The following LSAMP variants were observed in gnomAD, a reference collection of about 807,000 sequenced individuals.
The protein encoded by LSAMP is limbic system-associated membrane protein.
In LSAMP, 7 loss-of-function variants were observed where a neutral mutation model predicts 38.6. The ratio of observed to expected loss-of-function variants is 0.18; its 90% CI spans 0.10 to 0.34. The LOEUF is 0.34. Among genes scored for constraint, LSAMP ranks in the 10% least tolerant of loss-of-function variants. LSAMP has a pLI of 1.00. For missense variants in LSAMP, 313 were observed against 420.0 expected, an observed-to-expected ratio of 0.75 and a Z score of 2.23; for synonymous variants, 154 against 166.8, an observed-to-expected ratio of 0.92 and a Z score of 0.59.
intron 1 of LSAMP, among the ~76,000 whole-genome samples, chr3:116,328,096 C>T (rs1315394006): frequency 1.3e-5 from 2 of 152,178 alleles, no homozygotes; most frequent in Non-Finnish European, 2.9e-5. Context: ...AGGCCTGCTT[C>T]TCTACCCTTG....
At chr3:116,381,484 C>T (rs1484069272) in intron 1 of LSAMP, among the ~76,000 whole-genome samples, 5 of 152,064 alleles carry the variant, frequency 3.3e-5, no homozygotes, top group Non-Finnish European at 5.9e-5. Flanking sequence ...TTACGTCCCA[C>T]AGTAAAATAT....
chr3:116,129,163 TTAA>T lies in LSAMP; in HGVS notation c.156-42610_156-42608del, dbSNP rs72409763. 8.9e-3 allele frequency among the ~76,000 whole-genome samples: 1,348 copies of T among 152,274 alleles called. 18 individuals carry two copies. Among genetic ancestry groups the T allele is most frequent in the African/African-American group, 0.029 (1,213 of 41,548 alleles). The stretch of plus-strand genomic sequence containing the variant: ...TGTGAATCATTCGCAATGAGGAGTG[TTAA>T]TAAAAACTTTTTATTTGGTAATATA... On this transcript the variant is annotated intron_variant, in intron 1 of 6. Coordinates refer to ENST00000490035, the MANE Select transcript of LSAMP (RefSeq NM_002338.5).
At chr3:116,283,732 A>G (rs1440855106) in intron 1 of LSAMP, among the ~76,000 whole-genome samples, 4 of 152,218 alleles carry the variant, frequency 2.6e-5, no homozygotes, top group African/African-American at 7.2e-5. Context: ...TTGTGACGGT[A>G]TGTGCCTAAT....
intron 1 of LSAMP, among the ~76,000 whole-genome samples, chr3:116,185,045 T>C (rs866803809): frequency 1.0e-4 from 15 of 147,382 alleles, no homozygotes; most frequent in African/African-American, 3.5e-4. Context: ...TTTTTTTTTT[T>C]CAGTTCTCAC....
chr3:116,438,118 T>G (rs935276814), intron 1 of LSAMP, among the ~76,000 whole-genome samples: 6 of 148,232 alleles, frequency 4.0e-5, no homozygotes, highest in Non-Finnish European at 8.9e-5. Flanking sequence ...CTCAACTATA[T>G]CGTAAGATAC....
intron 1 of LSAMP, among the ~76,000 whole-genome samples, chr3:116,301,512 CTGTT>C (rs575999625): frequency 6.6e-6 from 1 of 152,188 alleles, no homozygotes; most frequent in African/African-American, 2.4e-5. Flanking sequence ...AACAGGTAGA[CTGTT>C]TGCTGATTTC....
At chr3:115,905,096 T>C (rs1222755463) in intron 3 of LSAMP, among the ~76,000 whole-genome samples, 1 of 152,132 alleles carries the variant, frequency 6.6e-6, no homozygotes, top group Non-Finnish European at 1.5e-5. Flanking sequence ...GATAAAATGC[T>C]CTTTTGCACA....
intron 2 of LSAMP, among the ~76,000 whole-genome samples, chr3:116,050,528 A>AG (rs148680512): frequency 6.6e-6 from 1 of 150,470 alleles, no homozygotes; most frequent in East Asian, 1.9e-4. Flanking sequence ...TGGGGAAATT[A>AG]GGGGGAAAAA....
chr3:115,866,757 T>A (rs769850323), intron 3 of LSAMP, among the ~76,000 whole-genome samples: 5 of 152,108 alleles, frequency 3.3e-5, no homozygotes, highest in Admixed American at 6.6e-5. Context: ...TGATGTAAAG[T>A]GAGCAGAATT....
intron 1 of LSAMP, among the ~76,000 whole-genome samples, chr3:116,123,076 A>AATTGTC (rs1222624319): frequency 6.6e-6 from 1 of 152,254 alleles, no homozygotes; most frequent in Non-Finnish European, 1.5e-5. Context: ...TGTTTTAAAC[A>AATTGTC]ATTGTCATAA....
At chr3:116,006,210 A>T (rs767932503) in intron 3 of LSAMP, among the ~76,000 whole-genome samples, 7 of 152,156 alleles carry the variant, frequency 4.6e-5, no homozygotes, top group Non-Finnish European at 1.0e-4. Context: ...TGAGGCTATT[A>T]TGGTGGGACT....
At chr3:116,339,059 G>A (rs1317664227) in intron 1 of LSAMP, among the ~76,000 whole-genome samples, 1 of 151,996 alleles carries the variant, frequency 6.6e-6, no homozygotes, top group Admixed American at 6.6e-5. Flanking sequence ...ATGTAAAGGT[G>A]ATATTTATAA....
At chr3:115,823,643 A>T (rs737485) in intron 6 of LSAMP, among the ~76,000 whole-genome samples, 24,480 of 151,976 alleles carry the variant, frequency 0.16, 2,281 homozygotes, top group Middle Eastern at 0.23. Flanking sequence ...GCATTTTTTT[A>T]AAAAAAACCT....
intron 6 of LSAMP, among the ~76,000 whole-genome samples, chr3:115,836,152 C>A (rs1478845526): frequency 6.6e-6 from 1 of 152,096 alleles, no homozygotes; most frequent in Non-Finnish European, 1.5e-5. Context: ...ACCATCTTAC[C>A]CACCCTCCTT....
intron 1 of LSAMP, among the ~76,000 whole-genome samples, chr3:116,258,154 T>C (rs991312059): frequency 2.6e-5 from 4 of 152,150 alleles, no homozygotes; most frequent in Non-Finnish European, 5.9e-5. Context: ...GAATGTGCAA[T>C]TCTTTGGCCT....
intron 1 of LSAMP, among the ~76,000 whole-genome samples, chr3:116,273,197 C>A (rs920314369): frequency 6.6e-6 from 1 of 152,026 alleles, no homozygotes; most frequent in Non-Finnish European, 1.5e-5. Flanking sequence ...ATCCTATCTC[C>A]ACCTCATCTT....
chr3:116,187,076 A>T (rs377470204), intron 1 of LSAMP, among the ~76,000 whole-genome samples: 2 of 152,284 alleles, frequency 1.3e-5, no homozygotes, highest in African/African-American at 2.4e-5. Flanking sequence ...TGATCTTCAT[A>T]GTTCTTCTAA....
intron 1 of LSAMP, among the ~76,000 whole-genome samples, chr3:116,332,555 GAGAATAATGC>G (rs1182914755): frequency 6.6e-6 from 1 of 152,058 alleles, no homozygotes; most frequent in African/African-American, 2.4e-5. Flanking sequence ...AATGCAAAAG[GAGAATAATGC>G]AGAAAATGAG....
chr3:116,045,910 T>C (rs1361346843), intron 2 of LSAMP, among the ~76,000 whole-genome samples: 1 of 152,194 alleles, frequency 6.6e-6, no homozygotes, highest in Non-Finnish European at 1.5e-5. Flanking sequence ...AGGCTCAATT[T>C]TAAACTCCCC....
Sources: allele counts gnomAD v4.1 joint callset (sites outside exome capture counted in the v4.1 genomes callset), GRCh38; gene constraint gnomAD v4.1.1; transcripts MANE v1.5; gene names NCBI Gene and HGNC (gene_info 2026-07-23, HGNC 2026-07-21).